The following ARPC5L variants were observed in gnomAD, a reference collection of about 807,000 sequenced individuals.
The protein encoded by ARPC5L is actin related protein 2/3 complex subunit 5 like, also known as actin-related protein 2/3 complex subunit 5-like protein.
Under a neutral mutation model 16.9 loss-of-function variants are expected in ARPC5L, and 4 were observed. The ratio of observed to expected loss-of-function variants is 0.24; its 90% CI spans 0.12 to 0.54. ARPC5L has a LOEUF of 0.54. ARPC5L is among the 20% of genes least tolerant of loss of function. The pLI, the probability that ARPC5L is intolerant of heterozygous loss-of-function variation, is 0.95. For synonymous variants in ARPC5L, 78 were observed against 82.6 expected, an observed-to-expected ratio of 0.94 and a Z score of 0.30; for missense variants, 151 against 201.9, an observed-to-expected ratio of 0.75 and a Z score of 1.53.
At chr9:124,864,349 G>A (rs1309758380) in intron 2 of ARPC5L, among the ~76,000 whole-genome samples, 4 of 151,642 alleles carry the variant, frequency 2.6e-5, no homozygotes, top group African/African-American at 7.3e-5. Flanking sequence ...CACCATGCCC[G>A]GCTAATCTTT....
At chr9:124,865,353 C>T (rs1417970594) in intron 2 of ARPC5L, among the ~76,000 whole-genome samples, 1 of 147,172 alleles carries the variant, frequency 6.8e-6, no homozygotes, top group African/African-American at 2.5e-5. Context: ...TCTAATGGTG[C>T]ACAGTGCCTT....
At chr9:124,863,266 T>C (rs192756708) in intron 1 of ARPC5L, among the ~76,000 whole-genome samples, 1 of 152,302 alleles carries the variant, frequency 6.6e-6, no homozygotes, top group Non-Finnish European at 1.5e-5. Context: ...GAGATTCTCC[T>C]GCCTTGGCCT....
intron 5 of ARPC5L, 130 bp from the exon 6 acceptor site, chr9:124,876,748 C>G (rs1829445190): frequency 2.7e-6 from 2 of 730,366 alleles, no homozygotes; most frequent in Admixed American, 5.8e-5. Context: ...TGTGCTCTAT[C>G]TCAGGAATCC....
chr9:124,875,834 C>T (rs1829426011), intron 5 of ARPC5L, among the ~76,000 whole-genome samples: 2 of 152,184 alleles, frequency 1.3e-5, no homozygotes, highest in African/African-American at 4.8e-5. Context: ...TGCCTGCCTT[C>T]CTCAGAGGCT....
Position 124,873,944 on chromosome 9 carries a change from CA to C in ARPC5L, c.222+181del, listed in dbSNP as rs370800027. Reference sequence around the variant, plus strand: ...GAGGCTTCTCTGACATCAACGCTGTCAGCGTTTATATACGAGAACCTCCCCA... The same window carrying C: ...GAGGCTTCTCTGACATCAACGCTGTCGCGTTTATATACGAGAACCTCCCCA... On this transcript the variant is annotated intron_variant, in intron 4 of 5. Coordinates refer to ENST00000353214, the MANE Select transcript of ARPC5L (RefSeq NM_030978.3). Among the ~76,000 whole-genome samples the C allele has an allele frequency of 3.5e-4, 53 of 152,284 alleles. No homozygotes were observed. In the East Asian group the frequency reaches 6.4e-3, roughly 18 times the overall value.
rs374043264 is a variant in ARPC5L, at chr9:124,876,947, TAAA to T, written c.*10_*12del. 1 of 1,607,820 alleles carries T rather than the reference TAAA, an allele frequency of 6.2e-7. No individual in the cohort carries two copies. On this transcript the variant is annotated 3_prime_UTR_variant, in exon 6 of 6. Coordinates refer to ENST00000353214, the MANE Select transcript of ARPC5L (RefSeq NM_030978.3). ...AGCAAGAAAGACTGTTTAAAAAAAA[TAAA>T]AAGACTCATGTTACCTTGAGAAGAA... is the stretch of plus-strand genomic sequence containing the variant.
At chr9:124,874,461 G>A (rs981241276) in intron 4 of ARPC5L, among the ~76,000 whole-genome samples, 12 of 152,212 alleles carry the variant, frequency 7.9e-5, no homozygotes, top group Non-Finnish European at 1.3e-4. Flanking sequence ...CACTTTGGGA[G>A]GCAGGAGGAT....
intron 2 of ARPC5L, among the ~76,000 whole-genome samples, chr9:124,865,811 A>C (rs982345050): frequency 1.3e-5 from 2 of 149,588 alleles, no homozygotes; most frequent in African/African-American, 2.5e-5. Flanking sequence ...AAAAAACAAA[A>C]AAAACAAAAT....
chr9:124,871,880 G>C (rs1228876562), intron 3 of ARPC5L, among the ~76,000 whole-genome samples: 1 of 152,134 alleles, frequency 6.6e-6, no homozygotes, highest in Non-Finnish European at 1.5e-5. Context: ...GAGAATCCTG[G>C]GTCCACAGTG....
rs1332996932 is a variant in ARPC5L at position 124,869,264 on chromosome 9, C to T, written c.-27C>T. ...GCCGAGGTCGGGCCGCGAGCGGAGCCGGCTGAGCGGGCGCCGAGCTCCCGC... is the reference window on the plus strand; with the variant it reads ...GCCGAGGTCGGGCCGCGAGCGGAGCTGGCTGAGCGGGCGCCGAGCTCCCGC... On this transcript the variant is annotated 5_prime_UTR_variant, in exon 3 of 6. Coordinates refer to ENST00000353214, the MANE Select transcript of ARPC5L (RefSeq NM_030978.3). 2.7e-6 allele frequency: 4 copies of T among 1,505,134 alleles called. No individual in the cohort carries two copies. The highest frequency in any genetic ancestry group is 1.8e-6 in the Non-Finnish European group (2 of 1,128,050). The allele number at this position is 1,505,134 out of a possible 1,614,324, so 93.2% of individuals were successfully genotyped here.
At chr9:124,865,662 G>A (rs1023425751) in intron 2 of ARPC5L, among the ~76,000 whole-genome samples, 3 of 151,472 alleles carry the variant, frequency 2.0e-5, no homozygotes, top group Admixed American at 6.6e-5. Flanking sequence ...GCATGGTGGC[G>A]GGTGCCTATA....
intron 5 of ARPC5L, 139 bp downstream of exon 5, chr9:124,875,290 T>TG (rs1829416050): frequency 1.1e-6 from 1 of 949,020 alleles, no homozygotes; most frequent in Non-Finnish European, 1.5e-6. Flanking sequence ...ACCTGGGACA[T>TG]GTCATCACTT....
Position 124,875,678 on chromosome 9 carries a change from T to C in ARPC5L, c.399+527T>C, listed in dbSNP as rs117677760. Among the ~76,000 whole-genome samples, 1,332 of 152,348 alleles carry C rather than the reference T, an allele frequency of 8.7e-3. 55 individuals carry two copies. Among genetic ancestry groups the C allele is most frequent in the Admixed American group, 0.067 (1,030 of 15,308 alleles). ...GAAGCAGAAAGAGCTGTGTCTGCCC[T>C]TCGCTTGGGTCCGTGTGAGAGCAAG... is the stretch of plus-strand genomic sequence containing the variant. On this transcript the variant is annotated intron_variant, in intron 5 of 5. Transcript: ENST00000353214.
At chr9:124,870,166 A>C (rs561209342) in intron 3 of ARPC5L, among the ~76,000 whole-genome samples, 2 of 152,276 alleles carry the variant, frequency 1.3e-5, no homozygotes, top group Non-Finnish European at 2.9e-5. Flanking sequence ...CAGCGGAGAA[A>C]ACTAGTAGTT....
rs1829302065 is a variant in ARPC5L, at chr9:124,868,491, T to A, written c.-800T>A. 6.6e-6 allele frequency: 1 copy of A among 152,252 alleles called. No homozygotes were observed. Among genetic ancestry groups the A allele is most frequent in the Non-Finnish European group, 1.5e-5 (1 of 68,052 alleles). The allele number at this position is 152,252 out of a possible 1,614,324, so 9.4% of individuals were successfully genotyped here. A position where few individuals can be genotyped will look rare whatever the true frequency, so the allele number is the denominator to read the frequency against. On this transcript the variant is annotated 5_prime_UTR_variant, in exon 3 of 6. Coordinates refer to ENST00000353214, the MANE Select transcript of ARPC5L (RefSeq NM_030978.3). ...AGCCAGGCCTCTCCTGCCAGGACGG[T>A]GGCCACAGGGCCATCTCCCTCTCCT...
chr9:124,873,818 G>C (rs1305596933), intron 4 of ARPC5L, 54 bp downstream of exon 4: 1 of 1,593,058 alleles, frequency 6.3e-7, no homozygotes, highest in Non-Finnish European at 8.6e-7. Context: ...AGGGCTGTGG[G>C]TGTCTGCCCA....
intron 3 of ARPC5L, among the ~76,000 whole-genome samples, chr9:124,871,068 A>G (rs930493485): frequency 1.3e-5 from 2 of 152,170 alleles, no homozygotes; most frequent in East Asian, 1.9e-4. Context: ...GGAGAATGGA[A>G]CTGATATTTA....
In ARPC5L at chr9:124,877,017, C is replaced by A. The variant is rs1185682073; in HGVS notation, c.*77C>A. 3 of 1,169,406 alleles carry A rather than the reference C, an allele frequency of 2.6e-6. No individual in the cohort carries two copies. The highest frequency in any genetic ancestry group is 1.5e-5 in the African/African-American group (1 of 64,544). The allele number at this position is 1,169,406 out of a possible 1,614,324, so 72.4% of individuals were successfully genotyped here. A position where few individuals can be genotyped will look rare whatever the true frequency, so the allele number is the denominator to read the frequency against. ...TGGTGAAGAAGGGATTGACAATGGA[C>A]CATCTTCCTAGGAACTCCCAAGTAA... On this transcript the variant is annotated 3_prime_UTR_variant, in exon 6 of 6. Transcript: ENST00000353214.
rs570056945 is a variant in ARPC5L, at chr9:124,874,858, TG to T, written c.223-115del. The T allele has an allele frequency of 1.4e-4, 183 of 1,277,464 alleles. 1 individual carries two copies. In the African/African-American group the frequency reaches 2.4e-3, roughly 17 times the overall value. 79.1% of individuals were successfully genotyped at this position (1,277,464 alleles called of 1,614,324 possible). A position where few individuals can be genotyped will look rare whatever the true frequency, so the allele number is the denominator to read the frequency against. On this transcript the variant is annotated intron_variant, in intron 4 of 5. Transcript: ENST00000353214. Reference sequence around the variant, plus strand: ...TCTAACCCACTTATTTTAACCATCCTGGACGAATTAGAAACTGGGCAGTGTT... The same window carrying T: ...TCTAACCCACTTATTTTAACCATCCTGACGAATTAGAAACTGGGCAGTGTT...
Sources: gnomAD v4.1 joint callset for allele counts (sites outside exome capture counted in the v4.1 genomes callset) on GRCh38, gnomAD v4.1.1 for gene constraint, MANE v1.5 for transcripts, NCBI Gene and HGNC (gene_info 2026-07-23, HGNC 2026-07-21) for gene names.